The following EPHA8 variants were observed in gnomAD, a reference collection of about 807,000 sequenced individuals.
EPHA8 encodes ephrin type-A receptor 8.
Under a neutral mutation model 103.6 loss-of-function variants are expected in EPHA8, and 58 were observed. That is an observed-to-expected ratio of 0.56 (90% CI 0.45 to 0.70). EPHA8 has a LOEUF of 0.70. Among genes scored for constraint, EPHA8 ranks in the 30% least tolerant of loss-of-function variants. The pLI is 0.00. For synonymous variants in EPHA8, 559 were observed against 572.5 expected, an observed-to-expected ratio of 0.98 and a Z score of 0.34; for missense variants, 1,304 against 1,395.2, an observed-to-expected ratio of 0.93 and a Z score of 1.04.
At chr1:22,578,396 G>A (rs923012948) in intron 3 of EPHA8, among the ~76,000 whole-genome samples, 3 of 146,620 alleles carry the variant, frequency 2.0e-5, no homozygotes, top group Admixed American at 2.0e-4. Flanking sequence ...ATGCATGTCT[G>A]CATGAGTGTA....
In EPHA8 at chr1:22,601,294, C is replaced by T; in HGVS notation, c.2730-6C>T. ...TGGCCACTTACCAAGAGCCCCTGTG[C>T]CTCAGGTGCCCACCCCCTGCCTTCG... On this transcript the variant is annotated splice_polypyrimidine_tract_variant and splice_region_variant and intron_variant, in intron 15 of 16. Transcript: ENST00000166244. 6.3e-7 allele frequency: 1 copy of T among 1,593,500 alleles called. No homozygotes were observed. The highest frequency in any genetic ancestry group is 1.4e-5 in the African/African-American group (1 of 73,592).
Position 22,589,397 on chromosome 1 carries a change from T to C in EPHA8, c.1315+191T>C. 1 of 1,520,148 alleles carries C rather than the reference T, an allele frequency of 6.6e-7. No homozygotes were observed. Among genetic ancestry groups the C allele is most frequent in the Non-Finnish European group, 8.8e-7 (1 of 1,140,182 alleles). The allele number at this position is 1,520,148 out of a possible 1,614,324, so 94.2% of individuals were successfully genotyped here. A position where few individuals can be genotyped will look rare whatever the true frequency, so the allele number is the denominator to read the frequency against. On this transcript the variant is annotated intron_variant, in intron 5 of 16. Transcript: ENST00000166244. The surrounding 1 kb of genome is among the most constrained non-coding windows in gnomAD (Gnocchi z 4.3). ...GCCTTTAGAAAAGTGGAACACATTC[T>C]ATAAGTAAGAGAAATCCCAAAAGCT... is the stretch of plus-strand genomic sequence containing the variant.
In EPHA8 at chr1:22,593,662, A is replaced by G. The variant is rs1220724691; in HGVS notation, c.1579A>G (p.Met527Val). 3 of 1,601,894 alleles carry G rather than the reference A, an allele frequency of 1.9e-6. No individual in the cohort carries two copies. Among genetic ancestry groups the G allele is most frequent in the Non-Finnish European group, 2.6e-6 (3 of 1,174,528 alleles). Residue 527 changes from methionine (M) to valine (V), a missense_variant, in exon 7 of 17, where the codon ATG (methionine) becomes GTG (valine). By Grantham distance (21) the Met-to-Val change is conservative. Coordinates refer to ENST00000166244, the MANE Select transcript of EPHA8 (RefSeq NM_020526.5). ...AGGCTGTGGCCGCTTCAGCCAGGCC[A>G]TGGAGGTGGAGACCGGGAAACCCCG... Reference protein sequence around the residue: ...SAGCGRFSQAMEVETGKPRPR... With the variant: ...SAGCGRFSQAVEVETGKPRPR...
Position 22,598,116 on chromosome 1 carries a change from A to C in EPHA8, c.2117-35A>C. The C allele has an allele frequency of 6.2e-7, 1 of 1,611,344 alleles. No homozygotes were observed. The highest frequency in any genetic ancestry group is 8.5e-7 in the Non-Finnish European group (1 of 1,178,340). On this transcript the variant is annotated intron_variant, in intron 11 of 16. Transcript: ENST00000166244. The surrounding 1 kb of genome is among the most constrained non-coding windows in gnomAD (Gnocchi z 5.1). ...CTCTGATCAGCAGCCCTGAGCCCCA[A>C]ACCAAGAGCCACCCTCTCCCTACTG...
At chr1:22,587,463 CGTGCCCT>C (rs1048207710) in intron 4 of EPHA8, among the ~76,000 whole-genome samples, 2 of 152,146 alleles carry the variant, frequency 1.3e-5, no homozygotes. Flanking sequence ...TGCATGTGCA[CGTGCCCT>C]GTGGACCTGA....
intron 4 of EPHA8, 152 bp from the exon 5 acceptor site, chr1:22,588,719 C>A: frequency 7.1e-7 from 1 of 1,400,094 alleles, no homozygotes; most frequent in Non-Finnish European, 9.4e-7. Flanking sequence ...CTTGGGGAGG[C>A]TACAGAGGAT....
Position 22,576,735 on chromosome 1 carries a change from G to A in EPHA8, c.678G>A (p.Leu226=). 1 of 1,613,824 alleles carries A rather than the reference G, an allele frequency of 6.2e-7. No homozygotes were observed. ...EAVTGADSSS[L]VEVRGQCVRH... is the part of the protein sequence containing the mutation. ...TGACGGGGGCCGACTCGTCCTCACTGGTGGAGGTGAGGGGCCAGTGCGTGC... is the reference window on the plus strand; with the variant it reads ...TGACGGGGGCCGACTCGTCCTCACTAGTGGAGGTGAGGGGCCAGTGCGTGC... The change falls in exon 3 of 17, where the codon CTG becomes CTA. Residue 226 remains leucine, a synonymous_variant. Transcript: ENST00000166244. The surrounding 1 kb of genome is among the most constrained non-coding windows in gnomAD (Gnocchi z 4.8).
intron 5 of EPHA8, among the ~76,000 whole-genome samples, chr1:22,591,547 A>C (rs1641372232): frequency 6.6e-6 from 1 of 152,068 alleles, no homozygotes; most frequent in Non-Finnish European, 1.5e-5. Flanking sequence ...TTTTTAGATG[A>C]AAATACATGA....
rs142070003 is a variant in EPHA8, at chr1:22,565,123, A to G, written c.94+1394A>G. ...CACAAACACACATGTACATGCACGT[A>G]CAGATGCATGCACATGAAAATACGC... On this transcript the variant is annotated intron_variant, in intron 1 of 16. Coordinates refer to ENST00000166244, the MANE Select transcript of EPHA8 (RefSeq NM_020526.5). Among the ~76,000 whole-genome samples the G allele has an allele frequency of 7.7e-3, 1,171 of 152,340 alleles. 7 individuals are homozygous for G. The highest frequency in any genetic ancestry group is 0.012 in the Non-Finnish European group (807 of 68,022).
At chr1:22,599,306 A>T (rs1389607278) in intron 13 of EPHA8, among the ~76,000 whole-genome samples, 2 of 152,066 alleles carry the variant, frequency 1.3e-5, no homozygotes, top group South Asian at 4.2e-4. Flanking sequence ...TCACCAGGAG[A>T]CTTCAGGAGG....
At chr1:22,588,594 T>A (rs1641282744) in intron 4 of EPHA8, among the ~76,000 whole-genome samples, 1 of 137,184 alleles carries the variant, frequency 7.3e-6, no homozygotes, top group African/African-American at 2.7e-5. Context: ...CAGTGGGATG[T>A]CCAGACCCTT....
In EPHA8 at chr1:22,576,700, T is replaced by C; in HGVS notation, c.643T>C (p.Ser215Pro). Reference sequence around the variant, plus strand: ...CATGGTGCGCAATCTGGCTGCCTTCTCGGAGGCAGTGACGGGGGCCGACTC... The same window carrying C: ...CATGGTGCGCAATCTGGCTGCCTTCCCGGAGGCAGTGACGGGGGCCGACTC... ...PAMVRNLAAF[S>P]EAVTGADSSS... Residue 215 changes from serine (S) to proline (P), a missense_variant, in exon 3 of 17, where the codon TCG (serine) becomes CCG (proline). Physicochemically the swap from Ser to Pro is moderately conservative, Grantham distance 74. Transcript: ENST00000166244. This position sits in a 1 kb window ranked among gnomAD's most constrained non-coding sequence, Gnocchi z 4.8. The C allele has an allele frequency of 6.2e-7, 1 of 1,613,842 alleles. No homozygotes were observed. Among genetic ancestry groups the C allele is most frequent in the Non-Finnish European group, 8.5e-7 (1 of 1,180,022 alleles).
intron 1 of EPHA8, among the ~76,000 whole-genome samples, chr1:22,566,974 G>A (rs1042350069): frequency 6.6e-6 from 1 of 152,182 alleles, no homozygotes; most frequent in Non-Finnish European, 1.5e-5. Context: ...TCCTGAGTCC[G>A]ATAGAATTGA....
chr1:22,601,536 G>C (rs1641734740), intron 16 of EPHA8, 63 bp downstream of exon 16: 3 of 1,599,312 alleles, frequency 1.9e-6, no homozygotes, highest in Non-Finnish European at 2.6e-6. Flanking sequence ...CCCCTGCCGG[G>C]GAGGCTACAG....
intron 15 of EPHA8, 102 bp from the exon 16 acceptor site, chr1:22,601,198 C>A: frequency 6.6e-7 from 1 of 1,523,196 alleles, no homozygotes; most frequent in Non-Finnish European, 8.8e-7. Flanking sequence ...CCAGCCTGGG[C>A]CCCCGGCCCC....
chr1:22,596,308 G>A, intron 9 of EPHA8, 135 bp downstream of exon 9: 3 of 819,156 alleles, frequency 3.7e-6, no homozygotes, highest in Non-Finnish European at 3.9e-6. Flanking sequence ...AGATTCCAGG[G>A]TGTCACAGAG....
rs144339260 is a variant in EPHA8 at position 22,567,410 on chromosome 1, G to C, written c.95-1879G>C. On this transcript the variant is annotated intron_variant, in intron 1 of 16. Coordinates refer to ENST00000166244, the MANE Select transcript of EPHA8 (RefSeq NM_020526.5). The surrounding 1 kb of genome is among the most constrained non-coding windows in gnomAD (Gnocchi z 4.2). ...TTTCTCTACATTGCCTGAGAGGGAG[G>C]GAGGCAGGCGGGAAGCCTTCTCTCT... is the stretch of plus-strand genomic sequence containing the variant. 0.015 allele frequency among the ~76,000 whole-genome samples: 2,308 copies of C among 152,288 alleles called. 22 individuals are homozygous for C. The highest frequency in any genetic ancestry group is 0.021 in the Non-Finnish European group (1,404 of 68,008).
At chr1:22,601,497 C>A (rs1462944916) in intron 16 of EPHA8, 24 bp downstream of exon 16, 2 of 1,608,156 alleles carry the variant, frequency 1.2e-6, no homozygotes, top group South Asian at 1.1e-5. Flanking sequence ...GGGGCTGGGG[C>A]CCCATGCGTG....
intron 3 of EPHA8, among the ~76,000 whole-genome samples, chr1:22,579,118 C>T (rs370005543): frequency 5.5e-5 from 5 of 90,798 alleles, no homozygotes; most frequent in East Asian, 2.8e-4. Context: ...TGCATGTGTA[C>T]GTGTATGTGT....
Sources: allele counts gnomAD v4.1 joint callset (sites outside exome capture counted in the v4.1 genomes callset), GRCh38; gene constraint gnomAD v4.1.1; non-coding constraint Gnocchi (gnomAD v3.1); transcripts MANE v1.5; gene names NCBI Gene and HGNC (gene_info 2026-07-23, HGNC 2026-07-21).